The following BNC2 variants were observed in gnomAD, a reference collection of about 807,000 sequenced individuals.
The protein encoded by BNC2 is basonuclin zinc finger protein 2, also known as zinc finger protein basonuclin-2.
A neutral mutation model predicts 76.3 loss-of-function variants in BNC2; 20 were observed. The observed-to-expected ratio is 0.26, with a 90% CI of 0.18 to 0.38. The LOEUF (loss-of-function observed/expected upper bound fraction) is 0.38, where lower values mean the gene tolerates loss of function less well. BNC2 is among the 10% of genes least tolerant of loss of function. BNC2 has a pLI of 1.00. For synonymous variants in BNC2, 582 were observed against 514.8 expected (o/e 1.13, Z -1.77); for missense variants, 1,382 against 1,399.8 (o/e 0.99, Z 0.20).
chr9:16,493,611 C>T (rs556501426), intron 5 of BNC2, among the ~76,000 whole-genome samples: 3 of 152,276 alleles, frequency 2.0e-5, no homozygotes, highest in Non-Finnish European at 4.4e-5. Flanking sequence ...GTGCTATGTG[C>T]AGACTGAGAC....
At chr9:16,435,367 T>C (rs1820985574) in intron 6 of BNC2, among the ~76,000 whole-genome samples, 188 bp downstream of exon 6, 1 of 152,130 alleles carries the variant, frequency 6.6e-6, no homozygotes, top group African/African-American at 2.4e-5. Context: ...GCATGCTTAA[T>C]CATCACAAGC....
At chr9:16,844,068 T>C (rs1357967996) in intron 1 of BNC2, among the ~76,000 whole-genome samples, 5 of 152,086 alleles carry the variant, frequency 3.3e-5, no homozygotes, top group Non-Finnish European at 5.9e-5. Flanking sequence ...AAGACCAGCC[T>C]GGGCAACATA....
intron 1 of BNC2, among the ~76,000 whole-genome samples, chr9:16,780,515 T>G (rs1054852505): frequency 1.3e-5 from 2 of 150,776 alleles, no homozygotes; most frequent in African/African-American, 4.9e-5. Flanking sequence ...GAGGCTGCAG[T>G]GAGCCGAGAT....
At chr9:16,678,904 G>A (rs1305475615) in intron 3 of BNC2, among the ~76,000 whole-genome samples, 1 of 152,126 alleles carries the variant, frequency 6.6e-6, no homozygotes, top group East Asian at 1.9e-4. Flanking sequence ...TTCACTGATT[G>A]TGCAAAGCCT....
chr9:16,853,029 T>C (rs1027993494), intron 1 of BNC2, among the ~76,000 whole-genome samples: 9 of 151,978 alleles, frequency 5.9e-5, no homozygotes, highest in African/African-American at 9.7e-5. Flanking sequence ...CACTGGAAGG[T>C]TGTGAGATAA....
At chr9:16,477,456 A>T (rs1438647349) in intron 5 of BNC2, among the ~76,000 whole-genome samples, 2 of 151,766 alleles carry the variant, frequency 1.3e-5, no homozygotes, top group Admixed American at 6.5e-5. Flanking sequence ...TCTCACTTAG[A>T]CAATCATTTA....
chr9:16,768,584 A>T (rs1255056533), intron 1 of BNC2, among the ~76,000 whole-genome samples: 1 of 152,148 alleles, frequency 6.6e-6, no homozygotes, highest in Non-Finnish European at 1.5e-5. Context: ...GAGATGAAAG[A>T]GAAAGAGCTG....
At chr9:16,598,788 C>T (rs372558889) in intron 3 of BNC2, among the ~76,000 whole-genome samples, 5 of 152,168 alleles carry the variant, frequency 3.3e-5, no homozygotes, top group Non-Finnish European at 4.4e-5. Flanking sequence ...GCTTAAGAGG[C>T]GGGCACTGGC....
chr9:16,832,433 G>T, intron 1 of BNC2: 4 of 431,172 alleles, frequency 9.3e-6, no homozygotes, highest in Non-Finnish European at 1.4e-5. Flanking sequence ...ATAGCTACAA[G>T]ACTTGATCTG....
chr9:16,524,127 G>GT (rs148636868), intron 5 of BNC2, among the ~76,000 whole-genome samples: 12,202 of 152,078 alleles, frequency 0.08, 1,595 homozygotes, highest in African/African-American at 0.27. Context: ...ACCATGCATG[G>GT]TAAAAGAAGC....
intron 5 of BNC2, among the ~76,000 whole-genome samples, chr9:16,551,434 C>G (rs915987056): frequency 6.6e-6 from 1 of 152,198 alleles, no homozygotes; most frequent in African/African-American, 2.4e-5. Context: ...TCCTCACATG[C>G]CAAGCTGGCA....
intron 5 of BNC2, among the ~76,000 whole-genome samples, chr9:16,473,866 C>A (rs762041095): frequency 2.0e-5 from 3 of 152,068 alleles, no homozygotes; most frequent in Non-Finnish European, 2.9e-5. Flanking sequence ...CAGCGAGACT[C>A]TGTCTCAAAA....
chr9:16,705,878 T>C (rs1295627154), intron 3 of BNC2, among the ~76,000 whole-genome samples: 4 of 152,188 alleles, frequency 2.6e-5, no homozygotes, highest in African/African-American at 9.7e-5. Flanking sequence ...TTCAAAGGGA[T>C]TGAATCCTAA....
At chr9:16,782,263 G>A (rs995192161) in intron 1 of BNC2, among the ~76,000 whole-genome samples, 3 of 151,780 alleles carry the variant, frequency 2.0e-5, no homozygotes, top group Non-Finnish European at 4.4e-5. Flanking sequence ...CCAGCCTGGT[G>A]ACAGAGCAAG....
At chr9:16,697,285 T>C (rs960008421) in intron 3 of BNC2, among the ~76,000 whole-genome samples, 6 of 151,946 alleles carry the variant, frequency 3.9e-5, no homozygotes, top group Admixed American at 2.6e-4. Context: ...TTGAACCAGG[T>C]AGTGAGCCGA....
intron 1 of BNC2, among the ~76,000 whole-genome samples, chr9:16,779,450 T>C (rs1345836982): frequency 1.3e-5 from 2 of 152,164 alleles, no homozygotes; most frequent in African/African-American, 4.8e-5. Context: ...TAAGCTTAAT[T>C]CTAAACATAC....
intron 1 of BNC2, among the ~76,000 whole-genome samples, chr9:16,783,468 G>A (rs1441768511): frequency 6.6e-6 from 1 of 152,196 alleles, no homozygotes; most frequent in Admixed American, 6.5e-5. Context: ...TTATGCTTAT[G>A]TTATAGCTAC....
intron 3 of BNC2, among the ~76,000 whole-genome samples, chr9:16,623,247 G>C (rs949364544): frequency 2.0e-5 from 3 of 152,154 alleles, no homozygotes; most frequent in African/African-American, 7.2e-5. Flanking sequence ...GAGATTGAAA[G>C]TGCGGCATAC....
At chr9:16,516,835 G>A (rs1379748606) in intron 5 of BNC2, among the ~76,000 whole-genome samples, 2 of 152,180 alleles carry the variant, frequency 1.3e-5, no homozygotes, top group African/African-American at 4.8e-5. Flanking sequence ...TATTCCAAAT[G>A]TAGTAAAATA....
Sources: gnomAD v4.1 joint callset for allele counts (sites outside exome capture counted in the v4.1 genomes callset) on GRCh38, gnomAD v4.1.1 for gene constraint, MANE v1.5 for transcripts, NCBI Gene and HGNC (gene_info 2026-07-23, HGNC 2026-07-21) for gene names.